The following CADPS2 variants were observed in gnomAD, a reference collection of about 807,000 sequenced individuals.
CADPS2 encodes the protein calcium-dependent secretion activator 2.
A neutral mutation model predicts 172.5 loss-of-function variants in CADPS2; 93 were observed. The ratio of observed to expected loss-of-function variants is 0.54; its 90% CI spans 0.46 to 0.64. CADPS2 has a LOEUF of 0.64. Ranked by LOEUF, CADPS2 falls within the 30% of genes least tolerant of loss-of-function variation. The pLI is 0.00. For synonymous variants in CADPS2, 546 were observed against 555.2 expected (o/e 0.98, Z 0.23); for missense variants, 1,420 against 1,565.9 (o/e 0.91, Z 1.57).
At chr7:122,425,091 A>G (rs1240568428) in intron 17 of CADPS2, among the ~76,000 whole-genome samples, 2 of 152,006 alleles carry the variant, frequency 1.3e-5, no homozygotes, top group African/African-American at 4.8e-5. Context: ...GGCCCAAGCA[A>G]TCCTCCCACC....
At chr7:122,563,078 A>T (rs1457627806) in intron 7 of CADPS2, among the ~76,000 whole-genome samples, 1 of 152,144 alleles carries the variant, frequency 6.6e-6, no homozygotes, top group African/African-American at 2.4e-5. Context: ...TCAAGGCTCA[A>T]TTAAGGATAG....
At chr7:122,369,306 A>C (rs2041453173) in intron 25 of CADPS2, among the ~76,000 whole-genome samples, 1 of 150,830 alleles carries the variant, frequency 6.6e-6, no homozygotes, top group South Asian at 2.1e-4. Flanking sequence ...AATTTTTTGT[A>C]TTTTTTAGTA....
intron 2 of CADPS2, among the ~76,000 whole-genome samples, chr7:122,720,695 T>G (rs1389498252): frequency 6.6e-6 from 1 of 151,782 alleles, no homozygotes; most frequent in Non-Finnish European, 1.5e-5. Flanking sequence ...AATATACCCC[T>G]AAAAAGGATA....
At chr7:122,844,464 T>G (rs1227835918) in intron 1 of CADPS2, among the ~76,000 whole-genome samples, 2 of 152,176 alleles carry the variant, frequency 1.3e-5, no homozygotes, top group African/African-American at 4.8e-5. Context: ...TCACTTTTTA[T>G]AAGAGTTTCC....
chr7:122,674,529 G>A (rs2082206688), intron 2 of CADPS2, among the ~76,000 whole-genome samples: 1 of 152,188 alleles, frequency 6.6e-6, no homozygotes. Flanking sequence ...CAAAGTCGCG[G>A]TGAACTAATA....
At position 122,737,064 on chromosome 7, in the gene CADPS2, T is replaced by A; in HGVS notation, c.344A>T (p.Asn115Ile). ...TDMARRQQKL[N>I]KQQLQLLKER... ...TTTCAGTAACTGCAACTGTTGTTTGTTAAGCTACAAGAAAAAGAGAAAATA... is the reference window on the plus strand; with the variant it reads ...TTTCAGTAACTGCAACTGTTGTTTGATAAGCTACAAGAAAAAGAGAAAATA... The change falls in exon 2 of 30, where the codon AAC becomes ATC. Residue 115 changes from asparagine (N) to isoleucine (I), a missense_variant. Coordinates refer to ENST00000449022, the MANE Select transcript of CADPS2 (RefSeq NM_017954.11). 6.4e-7 allele frequency: 1 copy of A among 1,571,888 alleles called. No individual in the cohort carries two copies. Among genetic ancestry groups the A allele is most frequent in the East Asian group, 2.2e-5 (1 of 44,526 alleles).
intron 1 of CADPS2, among the ~76,000 whole-genome samples, chr7:122,835,977 T>C (rs1808285098): frequency 6.6e-6 from 1 of 151,980 alleles, no homozygotes; most frequent in South Asian, 2.1e-4. Flanking sequence ...CACATAATTG[T>C]CAGATTCACC....
At chr7:122,419,577 G>A (rs1467914684) in intron 17 of CADPS2, among the ~76,000 whole-genome samples, 1 of 151,988 alleles carries the variant, frequency 6.6e-6, no homozygotes, top group Non-Finnish European at 1.5e-5. Flanking sequence ...TGGGGTGGGG[G>A]AGAAAGACCG....
chr7:122,740,444 A>C (rs1308686495), intron 1 of CADPS2, among the ~76,000 whole-genome samples: 1 of 152,180 alleles, frequency 6.6e-6, no homozygotes, highest in Non-Finnish European at 1.5e-5. Flanking sequence ...AAAAGCAGCC[A>C]ATATAAAAAG....
chr7:122,655,917 G>T (rs1017991443), intron 3 of CADPS2, among the ~76,000 whole-genome samples: 4 of 152,252 alleles, frequency 2.6e-5, no homozygotes, highest in African/African-American at 9.6e-5. Flanking sequence ...GAGCTTGGAA[G>T]TCATCACTCC....
At chr7:122,702,729 G>C (rs781285525) in intron 2 of CADPS2, 9 of 1,606,420 alleles carry the variant, frequency 5.6e-6, no homozygotes, top group South Asian at 3.3e-5. Flanking sequence ...TGCGTCGAAG[G>C]GGTAATTCTA....
intron 1 of CADPS2, among the ~76,000 whole-genome samples, chr7:122,863,109 T>C (rs1817390081): frequency 6.6e-6 from 1 of 152,166 alleles, no homozygotes; most frequent in Non-Finnish European, 1.5e-5. Context: ...GTATTGATAA[T>C]ACAAATATCA....
intron 1 of CADPS2, among the ~76,000 whole-genome samples, chr7:122,737,744 T>C (rs920031879): frequency 6.6e-6 from 1 of 152,098 alleles, no homozygotes; most frequent in African/African-American, 2.4e-5. Context: ...TAACTAATAG[T>C]TAATATTAAT....
chr7:122,873,111 C>T (rs984104681), intron 1 of CADPS2, among the ~76,000 whole-genome samples: 16 of 152,112 alleles, frequency 1.1e-4, no homozygotes, highest in Non-Finnish European at 2.4e-4. Context: ...TAAAACCCAC[C>T]TACTGTACTT....
intron 2 of CADPS2, among the ~76,000 whole-genome samples, chr7:122,668,215 A>C (rs922501170): frequency 6.8e-6 from 1 of 148,124 alleles, no homozygotes; most frequent in African/African-American, 2.5e-5. Flanking sequence ...AAATGTGGAA[A>C]TATAAGAGAG....
chr7:122,842,079 A>G (rs1342891817), intron 1 of CADPS2, among the ~76,000 whole-genome samples: 2 of 152,104 alleles, frequency 1.3e-5, no homozygotes, highest in Non-Finnish European at 2.9e-5. Context: ...AGCTCCTGAA[A>G]CCCCAGGAAT....
chr7:122,854,277 G>A (rs563897775), intron 1 of CADPS2, among the ~76,000 whole-genome samples: 63 of 152,060 alleles, frequency 4.1e-4, no homozygotes, highest in Non-Finnish European at 7.5e-4. Flanking sequence ...GAAGCAAGAT[G>A]GAAGAATCAC....
intron 3 of CADPS2, among the ~76,000 whole-genome samples, chr7:122,634,848 C>A (rs929781047): frequency 3.9e-5 from 6 of 152,046 alleles, no homozygotes; most frequent in Non-Finnish European, 8.8e-5. Flanking sequence ...TTGGTAAGTT[C>A]TGTCTCTATT....
chr7:122,371,417 T>G (rs1356244995), intron 25 of CADPS2, among the ~76,000 whole-genome samples: 1 of 149,828 alleles, frequency 6.7e-6, no homozygotes, highest in Non-Finnish European at 1.5e-5. Context: ...CAGGATGGAG[T>G]GAGTGCAAGC....
Sources: allele counts gnomAD v4.1 joint callset (sites outside exome capture counted in the v4.1 genomes callset), GRCh38; gene constraint gnomAD v4.1.1; transcripts MANE v1.5; gene names NCBI Gene and HGNC (gene_info 2026-07-23, HGNC 2026-07-21).